TRPM1: variants seen among roughly 807,000 people sequenced by gnomAD.
TRPM1 encodes transient receptor potential cation channel subfamily M member 1.
In TRPM1, 113 loss-of-function variants were observed where a neutral mutation model predicts 149.4. That is an observed-to-expected ratio of 0.76 (90% confidence interval 0.65 to 0.88). The LOEUF (loss-of-function observed/expected upper bound fraction) is 0.88, where lower values mean the gene tolerates loss of function less well. TRPM1 is among the 40% of genes least tolerant of loss of function. The pLI, the probability that TRPM1 is intolerant of heterozygous loss-of-function variation, is 0.00. For synonymous variants in TRPM1, 741 were observed against 759.5 expected (o/e 0.98, Z 0.40); for missense variants, 1,976 against 2,038.7 (o/e 0.97, Z 0.59).
intron 27 of TRPM1, among the ~76,000 whole-genome samples, chr15:31,013,921 G>A (rs1015302833): frequency 6.6e-6 from 1 of 152,186 alleles, no homozygotes; most frequent in African/African-American, 2.4e-5. Context: ...AAATCTTCTA[G>A]TCTTTTCTGA....
At chr15:31,088,996 C>A (rs770935537) in intron 1 of TRPM1, among the ~76,000 whole-genome samples, 10 of 152,102 alleles carry the variant, frequency 6.6e-5, no homozygotes, top group African/African-American at 2.4e-4. Flanking sequence ...ATGGGCAGTT[C>A]TAGATTTAGG....
At chr15:31,060,230 T>A in intron 11 of TRPM1, 1 of 430,788 alleles carries the variant, frequency 2.3e-6, no homozygotes, top group Non-Finnish European at 4.3e-6. Flanking sequence ...GATGGAAGCA[T>A]TGCATTAAAT....
intron 1 of TRPM1, among the ~76,000 whole-genome samples, chr15:31,088,543 A>G (rs374303492): frequency 1.3e-5 from 2 of 152,174 alleles, no homozygotes; most frequent in Admixed American, 6.5e-5. Flanking sequence ...GAGCTGTAAC[A>G]CTTGCTGCAA....
At chr15:31,058,667 G>C (rs2034148287) in intron 11 of TRPM1, among the ~76,000 whole-genome samples, 1 of 152,248 alleles carries the variant, frequency 6.6e-6, no homozygotes, top group African/African-American at 2.4e-5. Context: ...GATGAAACTT[G>C]TCAGGAGAGG....
intron 4 of TRPM1, 136 bp downstream of exon 4, chr15:31,069,895 G>T (rs1351868332): frequency 6.2e-7 from 1 of 1,602,846 alleles, no homozygotes; most frequent in East Asian, 2.2e-5. Context: ...TATATCTCTT[G>T]GTTTTTCAAT....
chr15:31,026,909 A>T lies in TRPM1; in HGVS notation c.3496+6T>A. 1 of 1,613,362 alleles carries T rather than the reference A, an allele frequency of 6.2e-7. No homozygotes were observed. Among genetic ancestry groups the T allele is most frequent in the Non-Finnish European group, 8.5e-7 (1 of 1,179,830 alleles). ...CCAACTTAGAAATGAAGAGCCCTGCACATACTCAATCCACGATCCCGTTCC... is the reference window on the plus strand; with the variant it reads ...CCAACTTAGAAATGAAGAGCCCTGCTCATACTCAATCCACGATCCCGTTCC... On this transcript the variant is annotated splice_donor_region_variant and intron_variant, in intron 26 of 27. Coordinates refer to ENST00000256552, the MANE Select transcript of TRPM1 (RefSeq NM_001252024.2).
At chr15:31,036,943 C>A (rs2033413197) in intron 20 of TRPM1, among the ~76,000 whole-genome samples, 1 of 152,252 alleles carries the variant, frequency 6.6e-6, no homozygotes, top group Non-Finnish European at 1.5e-5. Context: ...CTGCTCTCAC[C>A]TCATCACCAG....
At chr15:31,004,823 C>G (rs568367096) in intron 27 of TRPM1, among the ~76,000 whole-genome samples, 1 of 152,134 alleles carries the variant, frequency 6.6e-6, no homozygotes, top group Non-Finnish European at 1.5e-5. Flanking sequence ...GGCTCCTGGC[C>G]GCACGCAGTG....
chr15:31,047,834 G>C lies in TRPM1; in HGVS notation c.1623+55C>G, dbSNP rs534006718. The C allele has an allele frequency of 2.8e-6, 4 of 1,430,690 alleles. No homozygotes were observed. The South Asian group carries it at 4.6e-5, about 16-fold the overall frequency. The allele number at this position is 1,430,690 out of a possible 1,614,324, so 88.6% of individuals were successfully genotyped here. A position where few individuals can be genotyped will look rare whatever the true frequency, so the allele number is the denominator to read the frequency against. On this transcript the variant is annotated intron_variant, in intron 14 of 27. Coordinates refer to ENST00000256552, the MANE Select transcript of TRPM1 (RefSeq NM_001252024.2). ...TTGAAAATTTAAAACTTGCTCTTAA[G>C]AAATGATTTTGTGAAAGATGCCAAC...
chr15:31,130,833 C>G (rs2036007226), intron 1 of TRPM1, among the ~76,000 whole-genome samples: 1 of 152,156 alleles, frequency 6.6e-6, no homozygotes, highest in Non-Finnish European at 1.5e-5. Flanking sequence ...TTAAAAGACC[C>G]TAGTCTCCGA....
intron 27 of TRPM1, among the ~76,000 whole-genome samples, chr15:31,004,755 T>C (rs1269356119): frequency 6.6e-6 from 1 of 152,168 alleles, no homozygotes; most frequent in Non-Finnish European, 1.5e-5. Flanking sequence ...GAAGAATTTT[T>C]CACTATTAAC....
intron 1 of TRPM1, among the ~76,000 whole-genome samples, chr15:31,085,228 C>T (rs1222482376): frequency 6.6e-6 from 1 of 152,150 alleles, no homozygotes; most frequent in Non-Finnish European, 1.5e-5. Context: ...CAAGGTCTCC[C>T]CAGCTATGGC....
chr15:31,026,110 C>T (rs752332562), intron 27 of TRPM1, 29 bp downstream of exon 27: 10 of 1,608,110 alleles, frequency 6.2e-6, no homozygotes, highest in African/African-American at 1.3e-5. Context: ...CCTTGGCTCA[C>T]GGGCCCGCGG....
chr15:31,069,567 C>A, intron 4 of TRPM1: 1 of 1,212,110 alleles, frequency 8.3e-7, no homozygotes. Flanking sequence ...GAGGGCACTC[C>A]CTGTTTACAT....
In TRPM1 at chr15:31,149,734, T is replaced by C. The variant is rs1169514587; in HGVS notation, c.54+11172A>G. Among the ~76,000 whole-genome samples the C allele has an allele frequency of 2.6e-5, 4 of 152,046 alleles. No individual in the cohort carries two copies. The East Asian group carries it at 7.7e-4, about 29-fold the overall frequency. Reference sequence around the variant, plus strand: ...CGGGGTTTCACCGTGTTAGCCAGGATGGTCTCGATCTCCTGACCTTGTGAT... The same window carrying C: ...CGGGGTTTCACCGTGTTAGCCAGGACGGTCTCGATCTCCTGACCTTGTGAT... On this transcript the variant is annotated intron_variant, in intron 1 of 26. Transcript: ENST00000542188.
chr15:31,086,693 C>T (rs996556275), intron 1 of TRPM1, among the ~76,000 whole-genome samples: 2 of 152,168 alleles, frequency 1.3e-5, no homozygotes, highest in African/African-American at 4.8e-5. Flanking sequence ...CAGAAACTTG[C>T]TTCTAGAAAG....
At position 31,069,618 on chromosome 15, in the gene TRPM1, C is replaced by T. The variant is rs10400832; in HGVS notation, c.279+413G>A. The T allele has an allele frequency of 0.18, 234,230 of 1,308,488 alleles. 22,164 individuals carry two copies. The highest frequency in any genetic ancestry group is 0.29 in the Admixed American group (8,251 of 28,096). 81.1% of individuals were successfully genotyped at this position (1,308,488 alleles called of 1,614,324 possible). A position where few individuals can be genotyped will look rare whatever the true frequency, so the allele number is the denominator to read the frequency against. The stretch of plus-strand genomic sequence containing the variant: ...CTTGGTCCTTCTCGGGCCAGCTGAG[C>T]GCAGGCCCAGGGAAGCTGTGGACAG... On this transcript the variant is annotated intron_variant, in intron 4 of 27. Transcript: ENST00000256552.
intron 1 of TRPM1, among the ~76,000 whole-genome samples, chr15:31,097,860 G>A (rs1049142346): frequency 1.2e-4 from 19 of 152,288 alleles, no homozygotes; most frequent in African/African-American, 4.1e-4. Flanking sequence ...GAGATGGCAC[G>A]CTAATGTTCA....
chr15:31,101,182 G>T (rs2035507469), intron 1 of TRPM1, among the ~76,000 whole-genome samples: 1 of 152,210 alleles, frequency 6.6e-6, no homozygotes, highest in Non-Finnish European at 1.5e-5. Flanking sequence ...CTGAAGCAAA[G>T]TAAGATGCTA....
Sources: allele counts gnomAD v4.1 joint callset (sites outside exome capture counted in the v4.1 genomes callset), GRCh38; gene constraint gnomAD v4.1.1; transcripts MANE v1.5; gene names NCBI Gene and HGNC (gene_info 2026-07-23, HGNC 2026-07-21).